TRIM71: variants seen among roughly 807,000 people sequenced by gnomAD.
TRIM71 encodes E3 ubiquitin-protein ligase TRIM71.
Under a neutral mutation model 61.2 loss-of-function variants are expected in TRIM71, and 9 were observed. The observed-to-expected ratio is 0.15, with a 90% CI of 0.09 to 0.26. The LOEUF (loss-of-function observed/expected upper bound fraction) is 0.26. Among genes scored for constraint, TRIM71 ranks in the 10% least tolerant of loss-of-function variants. The pLI is 1.00. For missense variants in TRIM71, 998 were observed against 1,238.7 expected (o/e 0.81, Z 2.92); for synonymous variants, 645 against 553.2 (o/e 1.17, Z -2.33).
intron 1 of TRIM71, among the ~76,000 whole-genome samples, chr3:32,865,653 T>G (rs1448282425): frequency 6.6e-6 from 1 of 152,064 alleles, no homozygotes; most frequent in African/African-American, 2.4e-5. Flanking sequence ...ATAGTTCTGA[T>G]AGTTCCTGTG....
chr3:32,818,803 C>T lies in TRIM71; in HGVS notation c.723C>T (p.Gly241=). The T allele has an allele frequency of 5.0e-6, 8 of 1,608,210 alleles. No individual in the cohort carries two copies. Among genetic ancestry groups the T allele is most frequent in the Non-Finnish European group, 6.8e-6 (8 of 1,177,744 alleles). The change falls in exon 1 of 4, where the codon GGC becomes GGT. Residue 241 remains glycine (G), a synonymous_variant. Transcript: ENST00000383763. ...RLTKDHYIER[G]PPGPGAAAAA... The stretch of plus-strand genomic sequence containing the variant: ...CCAAGGACCACTACATCGAGCGCGG[C>T]CCGCCGGGTCCCGGTGCCGCAGCAG...
rs773782274 is a variant in TRIM71, at chr3:32,818,160, C to T, written c.80C>T (p.Ser27Phe). Residue 27 changes from serine (S) to phenylalanine (F), a missense_variant, in exon 1 of 4, where the codon TCC (serine) becomes TTC (phenylalanine). Physicochemically the swap from Ser to Phe is radical, Grantham distance 155. This residue lies in a region of TRIM71 where 527 missense variants were observed against 427.8 expected (regional missense o/e 1.23). Transcript: ENST00000383763. ...EMCGSPAPLS[S>F]NSSASSSSSQ... Reference sequence around the variant, plus strand: ...TGCGGCTCGCCGGCGCCGCTCTCCTCCAACTCGTCCGCGTCGTCGTCCTCC... The same window carrying T: ...TGCGGCTCGCCGGCGCCGCTCTCCTTCAACTCGTCCGCGTCGTCGTCCTCC... The T allele has an allele frequency of 6.2e-7, 1 of 1,606,856 alleles. No individual in the cohort carries two copies. The highest frequency in any genetic ancestry group is 8.5e-7 in the Non-Finnish European group (1 of 1,176,988).
chr3:32,874,392 T>G (rs886156205), intron 2 of TRIM71, among the ~76,000 whole-genome samples: 1 of 152,136 alleles, frequency 6.6e-6, no homozygotes, highest in African/African-American at 2.4e-5. Flanking sequence ...GAGATGAGTC[T>G]TGCCCTGTCA....
At chr3:32,886,125 G>T (rs1223834726) in intron 3 of TRIM71, 57 bp downstream of exon 3, 1 of 1,568,772 alleles carries the variant, frequency 6.4e-7, no homozygotes, top group Non-Finnish European at 8.6e-7. Context: ...ATGAACCTCA[G>T]CAGCACTCTA....
chr3:32,883,346 C>G (rs1696929112), intron 2 of TRIM71, among the ~76,000 whole-genome samples: 1 of 152,212 alleles, frequency 6.6e-6, no homozygotes, highest in Non-Finnish European at 1.5e-5. Flanking sequence ...AACTGGATTA[C>G]TTAAAACAGC....
chr3:32,824,010 G>A (rs538523444), intron 1 of TRIM71, among the ~76,000 whole-genome samples: 22 of 152,216 alleles, frequency 1.4e-4, no homozygotes, highest in African/African-American at 5.3e-4. Flanking sequence ...GGGAGGCGGA[G>A]GCCGCAGTGA....
Position 32,818,421 on chromosome 3 carries a change from T to C in TRIM71, c.341T>C (p.Phe114Ser). 6.8e-7 allele frequency: 1 copy of C among 1,477,034 alleles called. No individual in the cohort carries two copies. Among genetic ancestry groups the C allele is most frequent in the Non-Finnish European group, 8.9e-7 (1 of 1,118,542 alleles). The allele number at this position is 1,477,034 out of a possible 1,614,324, so 91.5% of individuals were successfully genotyped here. A position where few individuals can be genotyped will look rare whatever the true frequency, so the allele number is the denominator to read the frequency against. The change falls in exon 1 of 4, where the codon TTC (phenylalanine) becomes TCC (serine). Residue 114 changes from phenylalanine (F) to serine (S), a missense_variant. By Grantham distance (155) the Phe-to-Ser change is radical. This residue lies in a region of TRIM71 where 527 missense variants were observed against 427.8 expected (regional missense o/e 1.23). Transcript: ENST00000383763. ...ATGGACGCGCTGCCTTCGTCCGCCT[T>C]CCTGCTTAGCAACCTGCTCGACGCG... ...AGMDALPSSA[F>S]LLSNLLDAVV... is the part of the protein sequence containing the mutation.
At chr3:32,862,628 G>A (rs1172007036) in intron 1 of TRIM71, among the ~76,000 whole-genome samples, 1 of 152,208 alleles carries the variant, frequency 6.6e-6, no homozygotes, top group Non-Finnish European at 1.5e-5. Context: ...CAACCTTGGA[G>A]GCAGCTGGAA....
At chr3:32,855,164 C>T (rs1696581661) in intron 1 of TRIM71, among the ~76,000 whole-genome samples, 1 of 152,170 alleles carries the variant, frequency 6.6e-6, no homozygotes, top group East Asian at 1.9e-4. Context: ...CAGGCATCCA[C>T]TGGGGGTCTT....
intron 1 of TRIM71, among the ~76,000 whole-genome samples, chr3:32,834,216 G>A (rs116351640): frequency 6.6e-6 from 1 of 152,180 alleles, no homozygotes; most frequent in Non-Finnish European, 1.5e-5. Flanking sequence ...CCGAGTGATT[G>A]TGTTTGTTAC....
Position 32,818,281 on chromosome 3 carries a change from C to T in TRIM71, c.201C>T (p.Arg67=). ...TGCCCTGCCTGCACGCCTTCTGCCG[C>T]CCCTGCCTCGAGGCGCACCGGCTGC... ...HVLPCLHAFC[R]PCLEAHRLPA... The change falls in exon 1 of 4, where the codon CGC becomes CGT. Residue 67 remains arginine, a synonymous_variant. Transcript: ENST00000383763. The T allele has an allele frequency of 7.0e-7, 1 of 1,428,588 alleles. No individual in the cohort carries two copies. Among genetic ancestry groups the T allele is most frequent in the Non-Finnish European group, 9.1e-7 (1 of 1,100,876 alleles). The allele number at this position is 1,428,588 out of a possible 1,614,324, so 88.5% of individuals were successfully genotyped here.
intron 1 of TRIM71, among the ~76,000 whole-genome samples, chr3:32,833,614 C>T (rs1696299677): frequency 6.6e-6 from 1 of 151,572 alleles, no homozygotes; most frequent in Non-Finnish European, 1.5e-5. Flanking sequence ...GTACAGGCTG[C>T]AGGAGTACTG....
In TRIM71 at chr3:32,833,184, T is replaced by TAAAAAAAAAAAAAAAAAA; in HGVS notation, c.852+14263_852+14280dup. ...GGTGACAAGAATGAAACTCTGTCTT[T>TAAAAAAAAAAAAAAAAAA]AAAAAAAAAAAAAAAAAAAAAAAAA... On this transcript the variant is annotated intron_variant, in intron 1 of 3. Transcript: ENST00000383763. Among the ~76,000 whole-genome samples, 84 of 54,422 alleles carry TAAAAAAAAAAAAAAAAAA rather than the reference T, an allele frequency of 1.5e-3. 4 individuals are homozygous for TAAAAAAAAAAAAAAAAAA. The highest frequency in any genetic ancestry group is 2.2e-3 in the Non-Finnish European group (66 of 30,090). The allele number at this position is 54,422 out of a possible 152,430, so 35.7% of individuals were successfully genotyped here.
intron 1 of TRIM71, among the ~76,000 whole-genome samples, chr3:32,859,092 C>T (rs1007818148): frequency 3.3e-5 from 5 of 152,104 alleles, no homozygotes; most frequent in Non-Finnish European, 7.4e-5. Flanking sequence ...TGCCTGTTTC[C>T]TGTTTCACAA....
intron 1 of TRIM71, among the ~76,000 whole-genome samples, chr3:32,859,500 C>T (rs987918935): frequency 1.3e-5 from 2 of 152,100 alleles, no homozygotes; most frequent in East Asian, 1.9e-4. Context: ...TCAGGTGATC[C>T]GCCTGCCTTG....
chr3:32,870,960 G>A (rs1009443852), intron 1 of TRIM71, among the ~76,000 whole-genome samples: 3 of 146,566 alleles, frequency 2.0e-5, no homozygotes, highest in Non-Finnish European at 3.0e-5. Context: ...GAGCCACCAC[G>A]CCCAGCAATT....
intron 2 of TRIM71, 99 bp downstream of exon 2, chr3:32,874,084 G>A (rs1037452837): frequency 4.6e-6 from 6 of 1,311,092 alleles, no homozygotes; most frequent in African/African-American, 4.4e-5. Flanking sequence ...AGTGTGGGGG[G>A]TGGAATAGTG....
intron 1 of TRIM71, among the ~76,000 whole-genome samples, chr3:32,819,653 G>A (rs1696105707): frequency 6.6e-6 from 1 of 152,176 alleles, no homozygotes; most frequent in Admixed American, 6.5e-5. Flanking sequence ...CTCCTAGCGT[G>A]AAATCGCCGT....
At position 32,829,660 on chromosome 3, in the gene TRIM71, G is replaced by T. The variant is rs1182150164; in HGVS notation, c.852+10728G>T. 8.6e-5 allele frequency among the ~76,000 whole-genome samples: 13 copies of T among 150,960 alleles called. No homozygotes were observed. In the South Asian group the frequency reaches 2.5e-3, roughly 29 times the overall value. ...TGTGTGTGTGTGTGTGTTTGTGTGT[G>T]CGTGTGTGTGCATTGGAGGAGGCAT... On this transcript the variant is annotated intron_variant, in intron 1 of 3. Coordinates refer to ENST00000383763, the MANE Select transcript of TRIM71 (RefSeq NM_001039111.3).
Sources: allele counts gnomAD v4.1 joint callset (sites outside exome capture counted in the v4.1 genomes callset), GRCh38; gene constraint gnomAD v4.1.1; regional missense constraint gnomAD v4.1.1; transcripts MANE v1.5; gene names NCBI Gene and HGNC (gene_info 2026-07-23, HGNC 2026-07-21).